The following ANKRD12 variants were observed in gnomAD, a reference collection of about 807,000 sequenced individuals.
ANKRD12 encodes the protein ankyrin repeat domain-containing protein 12.
Under a neutral mutation model 183.4 loss-of-function variants are expected in ANKRD12, and 85 were observed. The observed-to-expected ratio is 0.46, with a 90% CI of 0.39 to 0.56. The LOEUF is 0.56. Ranked by LOEUF, ANKRD12 falls within the 20% of genes least tolerant of loss-of-function variation. ANKRD12 has a pLI of 0.00. For synonymous variants in ANKRD12, 914 were observed against 800.2 expected, an observed-to-expected ratio of 1.14 and a Z score of -2.40; for missense variants, 2,405 against 2,357.1, an observed-to-expected ratio of 1.02 and a Z score of -0.42.
At chr18:9,225,021 C>G (rs2036628615) in intron 8 of ANKRD12, among the ~76,000 whole-genome samples, 1 of 151,936 alleles carries the variant, frequency 6.6e-6, no homozygotes, top group South Asian at 2.1e-4. Flanking sequence ...GAGTTTGAGA[C>G]TAGCCTGGGC....
intron 6 of ANKRD12, among the ~76,000 whole-genome samples, chr18:9,212,664 A>G (rs1012612179): frequency 6.6e-6 from 1 of 151,466 alleles, no homozygotes; most frequent in African/African-American, 2.4e-5. Flanking sequence ...CATGTTTTAG[A>G]TTTTTGAAAT....
chr18:9,212,417 C>T (rs920674951), intron 6 of ANKRD12, among the ~76,000 whole-genome samples: 1 of 151,916 alleles, frequency 6.6e-6, no homozygotes, highest in Non-Finnish European at 1.5e-5. Context: ...AAAGTGAAAT[C>T]ATTCCATCTG....
intron 1 of ANKRD12, among the ~76,000 whole-genome samples, chr18:9,163,073 T>C (rs911879027): frequency 1.3e-5 from 2 of 152,184 alleles, no homozygotes; most frequent in African/African-American, 4.8e-5. Context: ...ATTTTTGCTT[T>C]TGTTGCAATT....
chr18:9,249,232 T>TA (rs1230693264), intron 8 of ANKRD12, among the ~76,000 whole-genome samples: 1 of 152,110 alleles, frequency 6.6e-6, no homozygotes, highest in Non-Finnish European at 1.5e-5. Context: ...CCAAATTCCA[T>TA]AAATGGGTCT....
chr18:9,211,004 C>CT (rs922200527), intron 5 of ANKRD12, among the ~76,000 whole-genome samples: 15 of 148,992 alleles, frequency 1.0e-4, no homozygotes, highest in Non-Finnish European at 1.3e-4. Flanking sequence ...TCTAATTTAA[C>CT]TTTTTTTTTT....
chr18:9,230,481 A>ATTT (rs2144856173), intron 8 of ANKRD12, among the ~76,000 whole-genome samples: 1 of 151,078 alleles, frequency 6.6e-6, no homozygotes, highest in African/African-American at 2.4e-5. Context: ...GATCTTTATT[A>ATTT]TTTCTTCTGC....
chr18:9,184,931 G>A (rs958082707), intron 2 of ANKRD12, among the ~76,000 whole-genome samples: 1 of 152,096 alleles, frequency 6.6e-6, no homozygotes, highest in Non-Finnish European at 1.5e-5. Context: ...TGCTATACCA[G>A]TGTAATAAGC....
chr18:9,207,481 CAG>C (rs1277000854), intron 4 of ANKRD12, among the ~76,000 whole-genome samples: 1 of 151,958 alleles, frequency 6.6e-6, no homozygotes, highest in African/African-American at 2.4e-5. Flanking sequence ...ATAAAGGTGA[CAG>C]AGTATCCTGA....
At chr18:9,230,976 C>G (rs1322345689) in intron 8 of ANKRD12, among the ~76,000 whole-genome samples, 1 of 151,862 alleles carries the variant, frequency 6.6e-6, no homozygotes, top group East Asian at 1.9e-4. Context: ...CCTCCACTTT[C>G]ATTTGTTTCA....
intron 6 of ANKRD12, among the ~76,000 whole-genome samples, chr18:9,214,802 A>G (rs556872492): frequency 1.3e-5 from 2 of 152,290 alleles, no homozygotes; most frequent in South Asian, 4.1e-4. Flanking sequence ...CCATTGATGG[A>G]GCTATGCTAG....
chr18:9,196,256 T>A (rs986030132), intron 3 of ANKRD12, among the ~76,000 whole-genome samples: 3 of 148,750 alleles, frequency 2.0e-5, no homozygotes, highest in African/African-American at 7.4e-5. Flanking sequence ...TTTCATAGAA[T>A]TTTTGTTTCC....
At chr18:9,267,968 C>T (rs2039395216) in intron 10 of ANKRD12, among the ~76,000 whole-genome samples, 1 of 152,170 alleles carries the variant, frequency 6.6e-6, no homozygotes, top group Non-Finnish European at 1.5e-5. Context: ...GAAACACAAA[C>T]TACCATCAGA....
chr18:9,140,912 A>G (rs1400864432), intron 1 of ANKRD12, among the ~76,000 whole-genome samples: 4 of 152,216 alleles, frequency 2.6e-5, no homozygotes, highest in South Asian at 4.1e-4. Flanking sequence ...GGTAATTTTC[A>G]TAATAACCTT....
At chr18:9,137,523 G>T (rs1598362344) in intron 1 of ANKRD12, 1 of 148,120 alleles carries the variant, frequency 6.8e-6, no homozygotes, top group East Asian at 1.9e-4. Context: ...CGTTCCCGCC[G>T]CCAGCCGCCG....
At chr18:9,273,291 A>C (rs1039074062) in intron 10 of ANKRD12, among the ~76,000 whole-genome samples, 23 of 152,092 alleles carry the variant, frequency 1.5e-4, no homozygotes, top group African/African-American at 5.6e-4. Flanking sequence ...TGGTAGAATG[A>C]CTCTGCATAT....
intron 1 of ANKRD12, chr18:9,137,796 G>T (rs937468064): frequency 2.6e-5 from 4 of 152,256 alleles, no homozygotes; most frequent in Admixed American, 6.5e-5. Flanking sequence ...CAGGTTCTTA[G>T]ATCTCGTTTT....
In ANKRD12 at chr18:9,208,693, A is replaced by G. The variant is rs760333023; in HGVS notation, c.341A>G (p.Glu114Gly). 2 of 1,610,836 alleles carry G rather than the reference A, an allele frequency of 1.2e-6. No individual in the cohort carries two copies. The highest frequency in any genetic ancestry group is 1.7e-6 in the Non-Finnish European group (2 of 1,178,752). The change falls in exon 5 of 13, where the codon GAA (glutamate) becomes GGA (glycine). Residue 114 changes from glutamate to glycine, a missense_variant. Glu to Gly is a moderately conservative substitution (Grantham distance 98). Transcript: ENST00000262126. The stretch of plus-strand genomic sequence containing the variant: ...CCAGAAAAGAAGAAGACAAAAAAGG[A>G]AGCTGGAAATAAGAAATCCACACCA... ...EGPEKKKTKK[E>G]AGNKKSTPVS...
chr18:9,199,176 C>T (rs2035022753), intron 3 of ANKRD12, among the ~76,000 whole-genome samples: 1 of 152,038 alleles, frequency 6.6e-6, no homozygotes, highest in African/African-American at 2.4e-5. Context: ...TGCCTGTAAT[C>T]CCAGCTACTC....
intron 1 of ANKRD12, among the ~76,000 whole-genome samples, chr18:9,138,694 G>A (rs2078214940): frequency 6.6e-6 from 1 of 152,120 alleles, no homozygotes; most frequent in African/African-American, 2.4e-5. Flanking sequence ...AGCAAAATGA[G>A]GATAGTGTCC....
Sources: allele counts gnomAD v4.1 joint callset (sites outside exome capture counted in the v4.1 genomes callset), GRCh38; gene constraint gnomAD v4.1.1; transcripts MANE v1.5; gene names NCBI Gene and HGNC (gene_info 2026-07-23, HGNC 2026-07-21).